The following COL6A2 variants were observed in gnomAD, a reference collection of about 807,000 sequenced individuals.
COL6A2 encodes the protein collagen alpha-2(VI) chain.
Under a neutral mutation model 124.9 loss-of-function variants are expected in COL6A2, and 90 were observed. The observed-to-expected ratio is 0.72, with a 90% CI of 0.61 to 0.86. The LOEUF is 0.86. Ranked by LOEUF, COL6A2 falls within the 40% of genes least tolerant of loss-of-function variation. The pLI is 0.00. For missense variants in COL6A2, 1,607 were observed against 1,502.5 expected, an observed-to-expected ratio of 1.07 and a Z score of -1.15; for synonymous variants, 793 against 618.2, an observed-to-expected ratio of 1.28 and a Z score of -4.19.
At chr21:46,107,997 C>T (rs1004609896) in intron 1 of COL6A2, among the ~76,000 whole-genome samples, 18 of 152,196 alleles carry the variant, frequency 1.2e-4, no homozygotes, top group African/African-American at 3.9e-4. Flanking sequence ...CAGAGTTTGA[C>T]TCTTTTCATC....
At chr21:46,107,566 G>A (rs558035733) in intron 1 of COL6A2, among the ~76,000 whole-genome samples, 15 of 152,226 alleles carry the variant, frequency 9.9e-5, no homozygotes, top group Non-Finnish European at 1.5e-4. Context: ...GAGATTAACC[G>A]AGAGTCTAGC....
At chr21:46,103,815 C>T (rs74419722) in intron 1 of COL6A2, among the ~76,000 whole-genome samples, 9,102 of 152,220 alleles carry the variant, frequency 0.06, 390 homozygotes, top group Non-Finnish European at 0.097. Flanking sequence ...CAACTAACCC[C>T]GTCATTGCAA....
At chr21:46,112,653 T>G in intron 3 of COL6A2, 76 bp downstream of exon 3, 1 of 1,593,806 alleles carries the variant, frequency 6.3e-7, no homozygotes, top group South Asian at 1.1e-5. Context: ...CGGGCCTCAC[T>G]TTACCCCTCT....
Position 46,132,402 on chromosome 21 carries a change from ACC to A in COL6A2, c.2912_2913del (p.Pro971HisfsTer21). ...AHSMRKQNVV[P>X]TVLALGSDVD... is the part of the protein sequence containing the mutation. Reference sequence around the variant, plus strand: ...ACTCCATGCGCAAGCAGAACGTGGTACCCACCGTGCTGGCCTTGGGCAGCGAC... The same window carrying A: ...ACTCCATGCGCAAGCAGAACGTGGTACACCGTGCTGGCCTTGGGCAGCGAC... On this transcript the variant is annotated frameshift_variant, in exon 28 of 28. Transcript: ENST00000300527. LOFTEE classifies it high-confidence loss of function. The A allele has an allele frequency of 6.2e-7, 1 of 1,609,210 alleles. No homozygotes were observed. Among genetic ancestry groups the A allele is most frequent in the South Asian group, 1.1e-5 (1 of 91,064 alleles).
At position 46,107,680 on chromosome 21, in the gene COL6A2, AC is replaced by A. The variant is rs553422770; in HGVS notation, c.-27-3768del. Among the ~76,000 whole-genome samples, 46 of 152,300 alleles carry A rather than the reference AC, an allele frequency of 3.0e-4. No individual in the cohort carries two copies. In the South Asian group the frequency reaches 9.3e-3, roughly 31 times the overall value. ...TTGGTCTCCACAGTCTTTTATCTTA[AC>A]CTGAGCATTTCCTTTCTATGATCCC... On this transcript the variant is annotated intron_variant, in intron 1 of 27. Coordinates refer to ENST00000300527, the MANE Select transcript of COL6A2 (RefSeq NM_001849.4).
intron 27 of COL6A2, among the ~76,000 whole-genome samples, chr21:46,130,945 T>TG (rs2078752572): frequency 6.6e-6 from 1 of 152,202 alleles, no homozygotes; most frequent in Non-Finnish European, 1.5e-5. Context: ...CGGTGCAGCG[T>TG]GAGGTCACCC....
intron 1 of COL6A2, among the ~76,000 whole-genome samples, chr21:46,101,054 A>G (rs946758018): frequency 2.6e-5 from 4 of 152,246 alleles, no homozygotes; most frequent in African/African-American, 9.6e-5. Flanking sequence ...CTGCACCAAC[A>G]GGTGTCATTT....
Position 46,132,092 on chromosome 21 carries a change from G to A in COL6A2, c.2600G>A (p.Arg867Gln), listed in dbSNP as rs61735831. Residue 867 changes from arginine (R) to glutamine (Q), a missense_variant, in exon 28 of 28, where the codon CGG becomes CAG. By Grantham distance (43) the Arg-to-Gln change is conservative. This residue lies in a region of COL6A2 where 1,223 missense variants were observed against 1,052.2 expected (regional missense o/e 1.16). Coordinates refer to ENST00000300527, the MANE Select transcript of COL6A2 (RefSeq NM_001849.4). ...EQVARRLTLA[R>Q]RDDDPLNARV... is the part of the protein sequence containing the mutation. ...GTGGCGCGGCGGCTGACGCTGGCCCGGAGGGACGACGACCCTCTCAACGCA... is the reference window on the plus strand; with the variant it reads ...GTGGCGCGGCGGCTGACGCTGGCCCAGAGGGACGACGACCCTCTCAACGCA... The A allele has an allele frequency of 6.5e-4, 1,036 of 1,597,344 alleles. 4 individuals are homozygous for A. Among genetic ancestry groups the A allele is most frequent in the African/African-American group, 4.5e-3 (334 of 74,672 alleles).
In COL6A2 at chr21:46,121,089, G is replaced by C; in HGVS notation, c.1424G>C (p.Gly475Ala). ...KGDRGLPGPRGPQGALGEPGK... is the reference protein window; with the variant it reads ...KGDRGLPGPRAPQGALGEPGK... ...GACCGAGGCTTGCCTGGACCCAGAGGCCCCCAGGGAGCTCTTGGGGAGCCC... is the reference window on the plus strand; with the variant it reads ...GACCGAGGCTTGCCTGGACCCAGAGCCCCCCAGGGAGCTCTTGGGGAGCCC... The change falls in exon 17 of 28, where the codon GGC becomes GCC. Residue 475 changes from glycine to alanine, a missense_variant. By Grantham distance (60) the Gly-to-Ala change is moderately conservative (BLOSUM62 0). This residue lies in a region of COL6A2 where 1,223 missense variants were observed against 1,052.2 expected (regional missense o/e 1.16). Coordinates refer to ENST00000300527, the MANE Select transcript of COL6A2 (RefSeq NM_001849.4). 6.2e-7 allele frequency: 1 copy of C among 1,612,776 alleles called. No homozygotes were observed. Among genetic ancestry groups the C allele is most frequent in the Non-Finnish European group, 8.5e-7 (1 of 1,179,960 alleles).
At chr21:46,129,457 T>A (rs377000340) in intron 27 of COL6A2, 2 of 1,601,254 alleles carry the variant, frequency 1.2e-6, no homozygotes, top group African/African-American at 2.7e-5. Flanking sequence ...AGGGACATCG[T>A]GGGGGACCCC....
intron 27 of COL6A2, chr21:46,129,649 T>G: frequency 7.0e-7 from 1 of 1,424,204 alleles, no homozygotes. Flanking sequence ...TCCCAGCCTC[T>G]TCCCATGCTG....
rs528338511 is a variant in COL6A2, at chr21:46,122,001, C to T, written c.1522-107C>T. Reference sequence around the variant, plus strand: ...GCTCACAGCCAGAACTCGACGGCACCCCTAGCCCACTTCCACCCCAGTGTG... The same window carrying T: ...GCTCACAGCCAGAACTCGACGGCACTCCTAGCCCACTTCCACCCCAGTGTG... On this transcript the variant is annotated intron_variant, in intron 18 of 27. Transcript: ENST00000300527. The T allele has an allele frequency of 8.3e-4, 1,009 of 1,214,806 alleles. 3 individuals carry two copies. The Middle Eastern group carries it at 0.014, about 17-fold the overall frequency. 75.3% of individuals were successfully genotyped at this position (1,214,806 alleles called of 1,614,324 possible). A position where few individuals can be genotyped will look rare whatever the true frequency, so the allele number is the denominator to read the frequency against.
chr21:46,100,728 C>T (rs2078279942), intron 1 of COL6A2, among the ~76,000 whole-genome samples: 1 of 152,226 alleles, frequency 6.6e-6, no homozygotes, highest in Non-Finnish European at 1.5e-5. Flanking sequence ...CGTATGTCAG[C>T]ATTCCCTTCC....
chr21:46,129,793 T>G (rs1020865261), intron 27 of COL6A2: 2 of 1,248,348 alleles, frequency 1.6e-6, no homozygotes, highest in African/African-American at 1.5e-5. Context: ...CGCAAGACCC[T>G]TAACTCACTC....
At chr21:46,128,484 G>GGCCTGGCCC (rs150510142) in intron 27 of COL6A2, among the ~76,000 whole-genome samples, 1 of 151,708 alleles carries the variant, frequency 6.6e-6, no homozygotes. Context: ...ACCACTGGCT[G>GGCCTGGCCC]TGGCCTGGCC....
In COL6A2 at chr21:46,112,521, C is replaced by A. The variant is rs773058625; in HGVS notation, c.658C>A (p.Leu220Met). 1 of 1,610,646 alleles carries A rather than the reference C, an allele frequency of 6.2e-7. No individual in the cohort carries two copies. Among genetic ancestry groups the A allele is most frequent in the Admixed American group, 1.7e-5 (1 of 59,914 alleles). Residue 220 changes from leucine (L) to methionine (M), a missense_variant, in exon 3 of 28, where the codon CTG becomes ATG. Leu to Met is a conservative substitution (Grantham distance 15). Transcript: ENST00000300527. The stretch of plus-strand genomic sequence containing the variant: ...CTACCGCAACGACTACGCCACCATG[C>A]TGCCCGACTCCACCGAGATCGACCA... ...ELYRNDYATM[L>M]PDSTEIDQDT...
In COL6A2 at chr21:46,131,940, G is replaced by C; in HGVS notation, c.2462-14G>C. The C allele has an allele frequency of 1.3e-6, 2 of 1,585,068 alleles. No individual in the cohort carries two copies. Among genetic ancestry groups the C allele is most frequent in the Non-Finnish European group, 1.7e-6 (2 of 1,168,922 alleles). The stretch of plus-strand genomic sequence containing the variant: ...CCTCCCCTCCGCCCAGCCCGCACCT[G>C]CGTCTCCCCACAGAGCTGTCCGTGG... On this transcript the variant is annotated splice_polypyrimidine_tract_variant and intron_variant, in intron 27 of 27. Transcript: ENST00000300527.
At chr21:46,111,939 C>A (rs2078404386) in intron 2 of COL6A2, 40 bp from the exon 3 acceptor site, 1 of 1,590,540 alleles carries the variant, frequency 6.3e-7, no homozygotes, top group Non-Finnish European at 8.6e-7. Context: ...AACAGCAGTC[C>A]CTCCTGAGGC....
At chr21:46,122,331 C>T (rs138005359) in intron 19 of COL6A2, among the ~76,000 whole-genome samples, 165 bp from the exon 20 acceptor site, 2 of 152,278 alleles carry the variant, frequency 1.3e-5, no homozygotes, top group Non-Finnish European at 2.9e-5. Flanking sequence ...AGGATAGGTC[C>T]AGCCCAGCAT....
Sources: allele counts gnomAD v4.1 joint callset (sites outside exome capture counted in the v4.1 genomes callset), GRCh38; gene constraint gnomAD v4.1.1; regional missense constraint gnomAD v4.1.1; transcripts MANE v1.5; gene names NCBI Gene and HGNC (gene_info 2026-07-23, HGNC 2026-07-21).